Variants in NLGN1 observed in about 807,000 individuals in gnomAD.
NLGN1 encodes the protein neuroligin 1.
Under a neutral mutation model 65.5 loss-of-function variants are expected in NLGN1, and 12 were observed. The ratio of observed to expected loss-of-function variants is 0.18; its 90% CI spans 0.12 to 0.30. NLGN1 has a LOEUF of 0.30. NLGN1 is among the 10% of genes least tolerant of loss of function. The probability of loss-of-function intolerance (pLI) is 1.00; values close to 1 mark genes in which losing one functional copy is unlikely to be tolerated. For missense variants in NLGN1, 750 were observed against 1,007.1 expected, an observed-to-expected ratio of 0.74 and a Z score of 3.46; for synonymous variants, 350 against 359.5, an observed-to-expected ratio of 0.97 and a Z score of 0.30.
At chr3:174,153,681 T>C (rs1275508401) in intron 4 of NLGN1, among the ~76,000 whole-genome samples, 1 of 152,084 alleles carries the variant, frequency 6.6e-6, no homozygotes, top group African/African-American at 2.4e-5. Flanking sequence ...AAAAATCAGC[T>C]ACATATTGAG....
At chr3:173,947,033 T>C (rs1021682751) in intron 4 of NLGN1, among the ~76,000 whole-genome samples, 3 of 151,376 alleles carry the variant, frequency 2.0e-5, no homozygotes, top group East Asian at 2.0e-4. Context: ...CAGATTGTTA[T>C]GATTAACTAT....
chr3:174,183,877 T>C (rs1274799859), intron 4 of NLGN1, among the ~76,000 whole-genome samples: 3 of 152,200 alleles, frequency 2.0e-5, no homozygotes, highest in Non-Finnish European at 4.4e-5. Context: ...AAAGAGGGTC[T>C]CTTGGTGAGA....
At chr3:173,750,755 G>A (rs547389260) in intron 3 of NLGN1, among the ~76,000 whole-genome samples, 4 of 152,154 alleles carry the variant, frequency 2.6e-5, no homozygotes, top group Non-Finnish European at 5.9e-5. Flanking sequence ...TTCTTTAGAT[G>A]ATGAATAATC....
At chr3:174,180,564 A>G (rs1033634318) in intron 4 of NLGN1, among the ~76,000 whole-genome samples, 2 of 152,108 alleles carry the variant, frequency 1.3e-5, no homozygotes, top group African/African-American at 4.8e-5. Flanking sequence ...TTAATGACTT[A>G]TATATATTAA....
At chr3:173,762,678 C>T (rs571940403) in intron 3 of NLGN1, among the ~76,000 whole-genome samples, 84 of 152,026 alleles carry the variant, frequency 5.5e-4, no homozygotes, top group African/African-American at 1.7e-3. Flanking sequence ...AGTACCCAAG[C>T]GGCCTGAAAG....
At chr3:174,114,242 C>T (rs1010078389) in intron 4 of NLGN1, among the ~76,000 whole-genome samples, 3 of 151,558 alleles carry the variant, frequency 2.0e-5, no homozygotes, top group African/African-American at 4.8e-5. Flanking sequence ...ACCCACATGG[C>T]TTTAATGGCA....
intron 4 of NLGN1, among the ~76,000 whole-genome samples, chr3:173,913,203 G>A: frequency 6.6e-6 from 1 of 152,142 alleles, no homozygotes; most frequent in East Asian, 1.9e-4. Context: ...GAATCCATGT[G>A]TGGAAGGATT....
chr3:173,518,020 G>A (rs1045030226), intron 2 of NLGN1, among the ~76,000 whole-genome samples: 39 of 152,094 alleles, frequency 2.6e-4, no homozygotes, highest in African/African-American at 9.2e-4. Context: ...CTTTAAATGA[G>A]AAATTAGATC....
At chr3:174,257,902 T>TTATATA (rs146056725) in intron 4 of NLGN1, among the ~76,000 whole-genome samples, 1,837 of 147,786 alleles carry the variant, frequency 0.012, 27 homozygotes, top group African/African-American at 0.037. Flanking sequence ...TTATATCTCC[T>TTATATA]TATATATATA....
chr3:173,797,024 G>A (rs1714242984), intron 3 of NLGN1, among the ~76,000 whole-genome samples: 1 of 152,168 alleles, frequency 6.6e-6, no homozygotes, highest in Non-Finnish European at 1.5e-5. Context: ...CCAGAGAGCT[G>A]GATGCCCTAG....
At chr3:174,167,672 A>G (rs1220365567) in intron 4 of NLGN1, among the ~76,000 whole-genome samples, 2 of 143,610 alleles carry the variant, frequency 1.4e-5, no homozygotes, top group African/African-American at 2.6e-5. Flanking sequence ...TCTGGTGACT[A>G]TATGCCTTGG....
At position 173,880,523 on chromosome 3, in the gene NLGN1, A is replaced by G. The variant is rs115925259; in HGVS notation, c.646+72691A>G. On this transcript the variant is annotated intron_variant, in intron 4 of 6. Transcript: ENST00000457714. Reference sequence around the variant, plus strand: ...TTATTTTCTAGTGCTTTTAAAAGCTACGTTTACCCTATACTGTTGTCCATT... The same window carrying G: ...TTATTTTCTAGTGCTTTTAAAAGCTGCGTTTACCCTATACTGTTGTCCATT... Among the ~76,000 whole-genome samples, 654 of 151,614 alleles carry G rather than the reference A, an allele frequency of 4.3e-3. 9 individuals carry two copies. Among genetic ancestry groups the G allele is most frequent in the African/African-American group, 0.014 (598 of 41,504 alleles).
At chr3:173,612,154 G>A (rs933399710) in intron 3 of NLGN1, among the ~76,000 whole-genome samples, 1 of 151,998 alleles carries the variant, frequency 6.6e-6, no homozygotes, top group African/African-American at 2.4e-5. Flanking sequence ...GAATTCGAAC[G>A]TCACACCAGT....
chr3:173,866,219 A>C (rs942851621), intron 4 of NLGN1, among the ~76,000 whole-genome samples: 2 of 152,182 alleles, frequency 1.3e-5, no homozygotes, highest in African/African-American at 4.8e-5. Context: ...TGTTAGGAGC[A>C]GGCATTTGAA....
chr3:173,654,615 A>G (rs1036563120), intron 3 of NLGN1, among the ~76,000 whole-genome samples: 3 of 152,100 alleles, frequency 2.0e-5, no homozygotes, highest in African/African-American at 4.8e-5. Flanking sequence ...GCTTCTTGTG[A>G]TTGATATATA....
chr3:174,063,267 A>G (rs1430037714), intron 4 of NLGN1, among the ~76,000 whole-genome samples: 1 of 152,160 alleles, frequency 6.6e-6, no homozygotes, highest in African/African-American at 2.4e-5. Context: ...ATAACTCTCA[A>G]AATTAAGGCT....
intron 4 of NLGN1, among the ~76,000 whole-genome samples, chr3:173,827,146 A>C (rs1721501226): frequency 6.6e-6 from 1 of 152,038 alleles, no homozygotes; most frequent in Admixed American, 6.6e-5. Context: ...TAAAGGTCAG[A>C]AAAAAACAAG....
intron 2 of NLGN1, among the ~76,000 whole-genome samples, chr3:173,500,409 A>G (rs946656391): frequency 8.5e-5 from 13 of 152,132 alleles, no homozygotes; most frequent in African/African-American, 3.1e-4. Context: ...AGCCCACTTG[A>G]TCATGGTGGA....
At chr3:173,579,571 T>A (rs1746059572) in intron 2 of NLGN1, among the ~76,000 whole-genome samples, 1 of 152,226 alleles carries the variant, frequency 6.6e-6, no homozygotes, top group Non-Finnish European at 1.5e-5. Flanking sequence ...TAAAGATACA[T>A]CTGGTATATT....
Sources: gnomAD v4.1 joint callset for allele counts (sites outside exome capture counted in the v4.1 genomes callset) on GRCh38, gnomAD v4.1.1 for gene constraint, MANE v1.5 for transcripts, NCBI Gene and HGNC (gene_info 2026-07-23, HGNC 2026-07-21) for gene names.